Variants in SPOCK1 observed in about 807,000 individuals in gnomAD.
SPOCK1 encodes SPARC (osteonectin), cwcv and kazal like domains proteoglycan 1.
SPOCK1 carries 23 observed loss-of-function variants against 55.3 expected under a neutral mutation model. The observed-to-expected ratio is 0.42, with a 90% CI of 0.30 to 0.59. SPOCK1 has a LOEUF of 0.59. SPOCK1 is among the 20% of genes least tolerant of loss of function. The pLI, the probability that SPOCK1 is intolerant of heterozygous loss-of-function variation, is 0.22. For synonymous variants in SPOCK1, 226 were observed against 221.0 expected (o/e 1.02, Z -0.20); for missense variants, 499 against 552.5 (o/e 0.90, Z 0.97).
At chr5:137,003,760 A>G (rs571763377) in intron 6 of SPOCK1, among the ~76,000 whole-genome samples, 23 of 152,200 alleles carry the variant, frequency 1.5e-4, no homozygotes, top group Non-Finnish European at 2.5e-4. Context: ...CTTAAACATG[A>G]GGTAAACTTA....
chr5:137,358,422 G>GAAGGAAGGA (rs150734871), intron 2 of SPOCK1, among the ~76,000 whole-genome samples: 1 of 120,008 alleles, frequency 8.3e-6, no homozygotes, highest in Non-Finnish European at 1.7e-5. Context: ...AGGAAGGAAG[G>GAAGGAAGGA]AGGAAAGAAA....
intron 6 of SPOCK1, among the ~76,000 whole-genome samples, chr5:137,012,821 T>C (rs1269132634): frequency 6.6e-6 from 1 of 152,200 alleles, no homozygotes; most frequent in Non-Finnish European, 1.5e-5. Flanking sequence ...CTATAAGGCT[T>C]ATCATAGAAA....
At chr5:136,982,927 A>ATAAT (rs977372349) in intron 9 of SPOCK1, among the ~76,000 whole-genome samples, 4 of 152,206 alleles carry the variant, frequency 2.6e-5, no homozygotes, top group African/African-American at 9.7e-5. Context: ...TTGTAGGTTC[A>ATAAT]TAATTATTTC....
intron 2 of SPOCK1, among the ~76,000 whole-genome samples, chr5:137,373,076 C>T (rs1363747088): frequency 6.6e-6 from 1 of 152,162 alleles, no homozygotes; most frequent in Admixed American, 6.5e-5. Context: ...GATGATGCAG[C>T]AGGAAGTCCC....
At chr5:136,984,218 A>G (rs1750793950) in intron 9 of SPOCK1, among the ~76,000 whole-genome samples, 2 of 152,200 alleles carry the variant, frequency 1.3e-5, no homozygotes, top group African/African-American at 4.8e-5. Flanking sequence ...ATAACTCAAA[A>G]AATCCTAAGA....
intron 5 of SPOCK1, among the ~76,000 whole-genome samples, chr5:137,105,707 T>A (rs1385872453): frequency 6.6e-6 from 1 of 152,212 alleles, no homozygotes; most frequent in Non-Finnish European, 1.5e-5. Flanking sequence ...GCCAACCCTG[T>A]AAAGCAAGTG....
At chr5:137,201,391 A>T (rs1051243217) in intron 3 of SPOCK1, among the ~76,000 whole-genome samples, 4 of 152,218 alleles carry the variant, frequency 2.6e-5, no homozygotes, top group Non-Finnish European at 5.9e-5. Flanking sequence ...ACAAATACCC[A>T]TTCTCATCAC....
intron 6 of SPOCK1, among the ~76,000 whole-genome samples, chr5:137,045,062 G>C (rs1002816951): frequency 1.9e-4 from 28 of 144,210 alleles, no homozygotes; most frequent in Non-Finnish European, 9.1e-5. Context: ...ATTTGGGTTG[G>C]TTCCAAGTCT....
At chr5:137,134,550 G>C (rs1322496669) in intron 4 of SPOCK1, among the ~76,000 whole-genome samples, 1 of 152,120 alleles carries the variant, frequency 6.6e-6, no homozygotes, top group East Asian at 1.9e-4. Context: ...TTGGAGAAGG[G>C]GCATAAGCTA....
At chr5:137,269,858 ATAC>A (rs953324502) in intron 2 of SPOCK1, among the ~76,000 whole-genome samples, 9 of 152,142 alleles carry the variant, frequency 5.9e-5, no homozygotes, top group Non-Finnish European at 5.9e-5. Flanking sequence ...CACCCTACCA[ATAC>A]CAAGGCTGGG....
chr5:137,084,954 C>CAAAAAAAAAAAAAAAAAAAAAAAAAAAAA (rs10568473), intron 5 of SPOCK1, among the ~76,000 whole-genome samples: 1 of 114,258 alleles, frequency 8.8e-6, no homozygotes, highest in Admixed American at 9.6e-5. Flanking sequence ...TTATACAAAG[C>CAAAAAAAAAAAAAAAAAAAAAAAAAAAAA]AAAAAAAAAA....
At chr5:137,128,251 C>T (rs1458832301) in intron 4 of SPOCK1, among the ~76,000 whole-genome samples, 1 of 152,196 alleles carries the variant, frequency 6.6e-6, no homozygotes, top group Non-Finnish European at 1.5e-5. Flanking sequence ...ATTTTCGAGC[C>T]TCCAGAACTG....
intron 3 of SPOCK1, among the ~76,000 whole-genome samples, chr5:137,187,831 T>C (rs57831832): frequency 0.037 from 5,600 of 152,264 alleles, 191 homozygotes; most frequent in East Asian, 0.14. Flanking sequence ...CTCTCAGTGA[T>C]TTCCCTGCAG....
At chr5:137,261,151 C>T (rs1029869976) in intron 3 of SPOCK1, among the ~76,000 whole-genome samples, 2 of 152,110 alleles carry the variant, frequency 1.3e-5, no homozygotes, top group Admixed American at 6.5e-5. Context: ...CCTATAAATG[C>T]TAATCAGAGG....
At chr5:137,261,572 T>C (rs1756743734) in intron 3 of SPOCK1, among the ~76,000 whole-genome samples, 1 of 152,224 alleles carries the variant, frequency 6.6e-6, no homozygotes, top group Non-Finnish European at 1.5e-5. Flanking sequence ...CCTGACTCTT[T>C]GAGTTTTATT....
At chr5:137,435,874 GC>G (rs1446755035) in intron 2 of SPOCK1, among the ~76,000 whole-genome samples, 2 of 151,380 alleles carry the variant, frequency 1.3e-5, no homozygotes, top group African/African-American at 4.9e-5. Context: ...ACTAATTTTA[GC>G]TGGGCGCGGT....
At chr5:137,256,699 A>G (rs6882010) in intron 3 of SPOCK1, among the ~76,000 whole-genome samples, 68,916 of 151,876 alleles carry the variant, frequency 0.45, 16,284 homozygotes, top group Non-Finnish European at 0.51. Flanking sequence ...CACAGTCCCA[A>G]CAAAGACAAC....
At chr5:137,305,849 G>A (rs537792732) in intron 2 of SPOCK1, among the ~76,000 whole-genome samples, 8 of 152,306 alleles carry the variant, frequency 5.3e-5, no homozygotes, top group South Asian at 2.1e-4. Context: ...CCAAGATCTC[G>A]GAGCAGGCCC....
intron 5 of SPOCK1, among the ~76,000 whole-genome samples, chr5:137,071,062 A>C (rs1322113803): frequency 1.4e-5 from 2 of 144,922 alleles, no homozygotes; most frequent in Non-Finnish European, 3.0e-5. Flanking sequence ...TCACTCTGTC[A>C]CCCTGGCTAG....
Sources: gnomAD v4.1 joint callset for allele counts (sites outside exome capture counted in the v4.1 genomes callset) on GRCh38, gnomAD v4.1.1 for gene constraint, MANE v1.5 for transcripts, NCBI Gene and HGNC (gene_info 2026-07-23, HGNC 2026-07-21) for gene names.